The following NIT2 variants were observed in gnomAD, a reference collection of about 807,000 sequenced individuals.
NIT2 encodes the protein omega-amidase NIT2.
NIT2 carries 46 observed loss-of-function variants against 42.7 expected under a neutral mutation model. That is an observed-to-expected ratio of 1.08 (90% CI 0.85 to 1.38). NIT2 has a LOEUF of 1.38. Among genes scored for constraint, NIT2 ranks in the 40% most tolerant of loss-of-function variants. The pLI, the probability that NIT2 is intolerant of heterozygous loss-of-function variation, is 0.00. For missense variants in NIT2, 309 were observed against 342.5 expected (o/e 0.90, Z 0.77); for synonymous variants, 123 against 121.9 (o/e 1.01, Z -0.06).
intron 6 of NIT2, among the ~76,000 whole-genome samples, chr3:100,347,604 AT>A (rs1439862980): frequency 6.7e-6 from 1 of 150,176 alleles, no homozygotes; most frequent in Non-Finnish European, 1.5e-5. Flanking sequence ...TAATTTTTAA[AT>A]TTTTTGTAGA....
chr3:100,349,497 C>T (rs1248116664), intron 7 of NIT2: 1 of 152,124 alleles, frequency 6.6e-6, no homozygotes, highest in African/African-American at 2.4e-5. Context: ...GGATTGGTCC[C>T]TCTTAAGTCA....
In NIT2 at chr3:100,339,093, G is replaced by A. The variant is rs747916306; in HGVS notation, c.14G>A (p.Arg5His). MTSF[R>H]LALIQLQISS... ...CTTTTGTCTTTGTTCTCAGCTTTCC[G>A]CTTGGCCCTCATCCAGCTTCAGATT... Residue 5 changes from arginine to histidine, a missense_variant, in exon 2 of 10, where the codon CGC (arginine) becomes CAC (histidine). By Grantham distance (29) the Arg-to-His change is conservative (BLOSUM62 0). Transcript: ENST00000394140. The A allele has an allele frequency of 3.1e-6, 5 of 1,610,244 alleles. No homozygotes were observed. Among genetic ancestry groups the A allele is most frequent in the African/African-American group, 1.3e-5 (1 of 74,796 alleles).
intron 4 of NIT2, among the ~76,000 whole-genome samples, chr3:100,344,443 A>T (rs901900289): frequency 1.3e-5 from 2 of 152,256 alleles, no homozygotes; most frequent in African/African-American, 2.4e-5. Flanking sequence ...AACAGCCAGC[A>T]TTGGACTATT....
At chr3:100,351,898 C>A (rs1325848774) in intron 7 of NIT2, among the ~76,000 whole-genome samples, 7 of 151,804 alleles carry the variant, frequency 4.6e-5, no homozygotes, top group Non-Finnish European at 8.8e-5. Flanking sequence ...CAATGAACTC[C>A]AACAAATTTA....
At chr3:100,339,981 T>G in intron 3 of NIT2, 46 bp downstream of exon 3, 1 of 1,550,454 alleles carries the variant, frequency 6.4e-7, no homozygotes, top group Non-Finnish European at 8.8e-7. Flanking sequence ...ATTAGAAACA[T>G]CTGAATGAGT....
chr3:100,335,484 A>G (rs1193917561), intron 1 of NIT2, among the ~76,000 whole-genome samples: 1 of 152,196 alleles, frequency 6.6e-6, no homozygotes, highest in Non-Finnish European at 1.5e-5. Context: ...GGGCAGCCTT[A>G]AAAGTCTTCA....
intron 3 of NIT2, among the ~76,000 whole-genome samples, chr3:100,340,869 C>A (rs181686726): frequency 2.2e-3 from 328 of 151,790 alleles, no homozygotes; most frequent in Non-Finnish European, 3.5e-3. Flanking sequence ...AAAAAAAAAA[C>A]CATGATTAAG....
chr3:100,346,357 T>A, intron 6 of NIT2, 102 bp downstream of exon 6: 1 of 994,138 alleles, frequency 1.0e-6, no homozygotes, highest in Non-Finnish European at 1.5e-6. Flanking sequence ...GAGGGCTCTT[T>A]AATTTCTCCA....
chr3:100,348,301 C>T (rs1706238480), intron 6 of NIT2, among the ~76,000 whole-genome samples: 2 of 152,180 alleles, frequency 1.3e-5, no homozygotes, highest in African/African-American at 4.8e-5. Context: ...ACGGGTGTTC[C>T]AGAAACTATC....
intron 7 of NIT2, among the ~76,000 whole-genome samples, chr3:100,352,017 C>A (rs1197682659): frequency 1.1e-4 from 16 of 152,128 alleles, no homozygotes; most frequent in African/African-American, 2.9e-4. Context: ...AAATGCTCAC[C>A]ATCAGTGGCC....
At chr3:100,337,908 A>G (rs1476545144) in intron 1 of NIT2, among the ~76,000 whole-genome samples, 6 of 152,172 alleles carry the variant, frequency 3.9e-5, no homozygotes, top group African/African-American at 9.6e-5. Flanking sequence ...ACAAAAAATT[A>G]CATAATTAAA....
In NIT2 at chr3:100,358,861, T is replaced by A. The variant is rs563743482; in HGVS notation, c.*3593T>A. The A allele has an allele frequency of 6.6e-6, 1 of 152,342 alleles. No homozygotes were observed. The highest frequency in any genetic ancestry group is 2.1e-4 in the South Asian group (1 of 4,830). The allele number at this position is 152,342 out of a possible 1,614,324, so 9.4% of individuals were successfully genotyped here. ...ACTGGTTTTAAGTCTTTTGTGCTAC[T>A]TTTTAGGCATTGCTGTGTAAGTTTT... On this transcript the variant is annotated 3_prime_UTR_variant, in exon 10 of 10. Transcript: ENST00000394140.
rs756652606 is a variant in NIT2 at position 100,360,826 on chromosome 3, G to C, written c.*5558G>C. Reference sequence around the variant, plus strand: ...TGTTCATATAATGACAGCTTTGGAAGGTAGAGACTATCTTCCTCTGGATCA... The same window carrying C: ...TGTTCATATAATGACAGCTTTGGAACGTAGAGACTATCTTCCTCTGGATCA... On this transcript the variant is annotated 3_prime_UTR_variant, in exon 10 of 10. Coordinates refer to ENST00000394140, the MANE Select transcript of NIT2 (RefSeq NM_020202.5). 3.3e-5 allele frequency: 5 copies of C among 152,220 alleles called. No homozygotes were observed. Among genetic ancestry groups the C allele is most frequent in the Non-Finnish European group, 7.3e-5 (5 of 68,032 alleles). The allele number at this position is 152,220 out of a possible 1,614,324, so 9.4% of individuals were successfully genotyped here. A position where few individuals can be genotyped will look rare whatever the true frequency, so the allele number is the denominator to read the frequency against.
In NIT2 at chr3:100,339,182, G is replaced by A; in HGVS notation, c.103G>A (p.Gly35Arg). The A allele has an allele frequency of 1.2e-6, 2 of 1,613,056 alleles. No homozygotes were observed. Among genetic ancestry groups the A allele is most frequent in the Non-Finnish European group, 1.7e-6 (2 of 1,179,048 alleles). Residue 35 changes from glycine (G) to arginine (R), a missense_variant, in exon 2 of 10, where the codon GGA (glycine) becomes AGA (arginine). By Grantham distance (125) the Gly-to-Arg change is moderately radical. Coordinates refer to ENST00000394140, the MANE Select transcript of NIT2 (RefSeq NM_020202.5). ...CSFIREAATQ[G>R]AKIVSLPECF... is the part of the protein sequence containing the mutation. ...CTTCATCCGGGAGGCAGCAACGCAA[G>A]GAGCCAAAATAGTTTCTTTGCCGGT... is the stretch of plus-strand genomic sequence containing the variant.
chr3:100,344,448 A>C (rs552396649), intron 4 of NIT2, among the ~76,000 whole-genome samples: 1 of 152,360 alleles, frequency 6.6e-6, no homozygotes, highest in East Asian at 1.9e-4. Flanking sequence ...CCAGCATTGG[A>C]CTATTAACCC....
At chr3:100,349,019 A>G in intron 7 of NIT2, 138 bp downstream of exon 7, 1 of 675,746 alleles carries the variant, frequency 1.5e-6, no homozygotes, top group South Asian at 1.8e-5. Flanking sequence ...ATGCAGTTGG[A>G]AAGGATGAAG....
intron 1 of NIT2, 40 bp from the exon 2 acceptor site, chr3:100,339,047 C>G (rs1346596148): frequency 2.2e-6 from 3 of 1,388,776 alleles, no homozygotes; most frequent in Non-Finnish European, 2.1e-6. Context: ...TCCAGCAGTT[C>G]GATCTTCTGA....
intron 8 of NIT2, 26 bp downstream of exon 8, chr3:100,352,528 C>T (rs769870898): frequency 1.6e-5 from 25 of 1,579,070 alleles, no homozygotes; most frequent in Non-Finnish European, 1.8e-5. Flanking sequence ...TGAGAATAGG[C>T]TCAGTCGGAG....
At chr3:100,337,671 C>T (rs1706094130) in intron 1 of NIT2, among the ~76,000 whole-genome samples, 5 of 152,152 alleles carry the variant, frequency 3.3e-5, no homozygotes. Context: ...CCAGGCTGGT[C>T]TGAAACTCCT....
Sources: allele counts gnomAD v4.1 joint callset (sites outside exome capture counted in the v4.1 genomes callset), GRCh38; gene constraint gnomAD v4.1.1; transcripts MANE v1.5; gene names NCBI Gene and HGNC (gene_info 2026-07-23, HGNC 2026-07-21).